The following PLCG2 variants were observed in gnomAD, a reference collection of about 807,000 sequenced individuals.
The protein encoded by PLCG2 is 1-phosphatidylinositol 4,5-bisphosphate phosphodiesterase gamma-2.
Under a neutral mutation model 175.6 loss-of-function variants are expected in PLCG2, and 69 were observed. That is an observed-to-expected ratio of 0.39 (90% CI 0.32 to 0.48). The LOEUF is 0.48. Ranked by LOEUF, PLCG2 falls within the 20% of genes least tolerant of loss-of-function variation. The probability of loss-of-function intolerance (pLI) is 0.91; values close to 1 mark genes in which losing one functional copy is unlikely to be tolerated. For synonymous variants in PLCG2, 827 were observed against 624.0 expected (o/e 1.33, Z -4.85); for missense variants, 1,798 against 1,650.9 (o/e 1.09, Z -1.54).
chr16:81,771,025 T>C (rs2143109429), intron 2 of PLCG2, among the ~76,000 whole-genome samples: 1 of 147,796 alleles, frequency 6.8e-6, no homozygotes, highest in East Asian at 2.0e-4. Context: ...GCCCCTGCAC[T>C]CCAGCCTTGG....
intron 8 of PLCG2, among the ~76,000 whole-genome samples, chr16:81,881,579 C>A (rs981223514): frequency 6.6e-6 from 1 of 152,212 alleles, no homozygotes; most frequent in African/African-American, 2.4e-5. Context: ...AGCAACTTTT[C>A]CCTCTGTCAC....
chr16:81,781,412 T>TG (rs933174769), intron 1 of PLCG2, among the ~76,000 whole-genome samples: 10 of 44,060 alleles, frequency 2.3e-4, no homozygotes, highest in African/African-American at 8.1e-4. Flanking sequence ...AGTTGTTTTC[T>TG]GTTTTTTTTT....
chr16:81,880,363 G>C (rs1908018217), intron 7 of PLCG2, among the ~76,000 whole-genome samples: 1 of 152,218 alleles, frequency 6.6e-6, no homozygotes, highest in East Asian at 1.9e-4. Flanking sequence ...AATGTGCTGT[G>C]TCTACGCGCT....
chr16:81,908,150 C>T (rs1430994406), intron 16 of PLCG2, among the ~76,000 whole-genome samples: 1 of 152,190 alleles, frequency 6.6e-6, no homozygotes, highest in Non-Finnish European at 1.5e-5. Flanking sequence ...TCCCATAGAA[C>T]AGAATGGAGG....
At position 81,895,675 on chromosome 16, in the gene PLCG2, C is replaced by T. The variant is rs1023594657; in HGVS notation, c.1073-132C>T. The T allele has an allele frequency of 4.7e-5, 44 of 941,390 alleles. No individual in the cohort carries two copies. In the Admixed American group the frequency reaches 7.6e-4, roughly 16 times the overall value. The allele number at this position is 941,390 out of a possible 1,614,324, so 58.3% of individuals were successfully genotyped here. On this transcript the variant is annotated intron_variant, in intron 12 of 32. Transcript: ENST00000564138. ...GCGGATACAGGGAAAGCCATGTCCT[C>T]GTGTTGGCAGCCGAATGGAGGGAGT...
intron 2 of PLCG2, among the ~76,000 whole-genome samples, chr16:81,815,520 T>C (rs1356246029): frequency 6.6e-6 from 1 of 152,196 alleles, no homozygotes; most frequent in Admixed American, 6.5e-5. Context: ...GCTGTTTTCT[T>C]CTTCAGCCTG....
chr16:81,915,394 T>C (rs1226830892), intron 19 of PLCG2, among the ~76,000 whole-genome samples: 1 of 152,232 alleles, frequency 6.6e-6, no homozygotes, highest in East Asian at 1.9e-4. Flanking sequence ...GTTGAGTTGT[T>C]GCCCGGCTGT....
intron 21 of PLCG2, 48 bp from the exon 22 acceptor site, chr16:81,923,437 C>T (rs771990323): frequency 1.7e-6 from 2 of 1,190,450 alleles, no homozygotes; most frequent in East Asian, 4.7e-5. Context: ...CCGCCTCCCT[C>T]CCCTCCTGTC....
chr16:81,869,349 C>T (rs771371340), intron 6 of PLCG2, 51 bp downstream of exon 6: 1 of 1,314,100 alleles, frequency 7.6e-7, no homozygotes, highest in Admixed American at 1.7e-5. Context: ...AGTGACTTAG[C>T]CTCTCTCATG....
In PLCG2 at chr16:81,956,669, G is replaced by C. The variant is rs1270874283; in HGVS notation, c.3571-26G>C. The C allele has an allele frequency of 2.5e-6, 4 of 1,605,222 alleles. No homozygotes were observed. The African/African-American group carries it at 5.4e-5, about 21-fold the overall frequency. On this transcript the variant is annotated intron_variant, in intron 31 of 32. Transcript: ENST00000564138. The stretch of plus-strand genomic sequence containing the variant: ...GTTTGGAAGGTGTAGTCACCACATG[G>C]TTGTTCTCTCCCCTGCATCCTCCAG...
In PLCG2 at chr16:81,779,359, C is replaced by A. The variant is rs908648907; in HGVS notation, c.-113C>A. ...GTGACCCGAGTCGGGACGCGGGCTG[C>A]GCGCGCGGGACCCCGGAGCCCAAAC... On this transcript the variant is annotated 5_prime_UTR_variant, in exon 1 of 33. Transcript: ENST00000564138. 3.3e-5 allele frequency: 5 copies of A among 150,872 alleles called. No individual in the cohort carries two copies. Among genetic ancestry groups the A allele is most frequent in the African/African-American group, 7.3e-5 (3 of 41,268 alleles). The allele number at this position is 150,872 out of a possible 1,614,324, so 9.3% of individuals were successfully genotyped here.
chr16:81,910,556 C>T lies in PLCG2; in HGVS notation c.1770C>T (p.Ser590=). 2 of 1,614,154 alleles carry T rather than the reference C, an allele frequency of 1.2e-6. No individual in the cohort carries two copies. Among genetic ancestry groups the T allele is most frequent in the East Asian group, 2.2e-5 (1 of 44,882 alleles). The change falls in exon 18 of 33, where the codon TCC becomes TCT. Residue 590 remains serine (S), a synonymous_variant. Transcript: ENST00000564138. Reference sequence around the variant, plus strand: ...GGGTCCAGCACTGCCGGATCCGCTCCACCATGGAGGGCGGGACCCTGAAAT... The same window carrying T: ...GGGTCCAGCACTGCCGGATCCGCTCTACCATGGAGGGCGGGACCCTGAAAT... ...SGRVQHCRIR[S]TMEGGTLKYY...
chr16:81,754,995 T>C (rs1256132418), intron 1 of PLCG2, among the ~76,000 whole-genome samples: 1 of 152,022 alleles, frequency 6.6e-6, no homozygotes, highest in Non-Finnish European at 1.5e-5. Flanking sequence ...CTTAGGCAAA[T>C]TGCTTACCCT....
chr16:81,844,208 T>C (rs1905990845), intron 2 of PLCG2, among the ~76,000 whole-genome samples: 1 of 147,294 alleles, frequency 6.8e-6, no homozygotes, highest in African/African-American at 2.5e-5. Context: ...TTAGCCAGGA[T>C]GGTCTCTATC....
In PLCG2 at chr16:81,774,162, T is replaced by C. The variant is rs1252164716; in HGVS notation, c.-47-11781T>C. On this transcript the variant is annotated intron_variant, in intron 2 of 5. Coordinates refer to the PLCG2 transcript ENST00000565054. The stretch of plus-strand genomic sequence containing the variant: ...GCCTGGGTAACACGGTGAAATCCCG[T>C]CTCTACTAAAAATACAAAAAAAAAA... 2.8e-5 allele frequency among the ~76,000 whole-genome samples: 3 copies of C among 106,278 alleles called. No individual in the cohort carries two copies. The East Asian group carries it at 9.1e-4, about 32-fold the overall frequency. 69.7% of individuals were successfully genotyped at this position (106,278 alleles called of 152,430 possible).
chr16:81,905,251 A>C, intron 14 of PLCG2, 152 bp from the exon 15 acceptor site: 1 of 611,086 alleles, frequency 1.6e-6, no homozygotes, highest in Non-Finnish European at 2.9e-6. Context: ...GGTAACCTGG[A>C]GGGCAGAGCT....
chr16:81,780,660 A>C (rs1336785764), intron 1 of PLCG2, among the ~76,000 whole-genome samples: 1 of 152,226 alleles, frequency 6.6e-6, no homozygotes, highest in African/African-American at 2.4e-5. Flanking sequence ...GTGGAAAAGC[A>C]CAGACCCCAT....
intron 19 of PLCG2, among the ~76,000 whole-genome samples, chr16:81,915,308 G>A (rs1362975583): frequency 1.3e-5 from 2 of 152,212 alleles, no homozygotes; most frequent in Non-Finnish European, 2.9e-5. Flanking sequence ...TCTGGGCTCT[G>A]GGGATGTGTA....
chr16:81,860,172 A>ATTATTATTATTTTTTTTT (rs763047744), intron 5 of PLCG2, among the ~76,000 whole-genome samples: 1 of 120,614 alleles, frequency 8.3e-6, no homozygotes. Context: ...TATTATTATT[A>ATTATTATTATTTTTTTTT]TTTTTTTTTT....
Sources: allele counts gnomAD v4.1 joint callset (sites outside exome capture counted in the v4.1 genomes callset), GRCh38; gene constraint gnomAD v4.1.1; transcripts MANE v1.5; gene names NCBI Gene and HGNC (gene_info 2026-07-23, HGNC 2026-07-21).